ITPR3: variants seen among roughly 807,000 people sequenced by gnomAD.
ITPR3 encodes the protein inositol 1,4,5-trisphosphate-gated calcium channel ITPR3.
A neutral mutation model predicts 293.2 loss-of-function variants in ITPR3; 173 were observed. That is an observed-to-expected ratio of 0.59 (90% CI 0.52 to 0.67). The LOEUF is 0.67. ITPR3 is among the 30% of genes least tolerant of loss of function. The pLI, the probability that ITPR3 is intolerant of heterozygous loss-of-function variation, is 0.00. For missense variants in ITPR3, 2,796 were observed against 3,592.1 expected, an observed-to-expected ratio of 0.78 and a Z score of 5.66; for synonymous variants, 1,295 against 1,444.4, an observed-to-expected ratio of 0.90 and a Z score of 2.35.
At chr6:33,630,743 G>A (rs1364682457) in intron 1 of ITPR3, among the ~76,000 whole-genome samples, 1 of 152,188 alleles carries the variant, frequency 6.6e-6, no homozygotes, top group Non-Finnish European at 1.5e-5. Context: ...ATTCTTCCTG[G>A]AGAGACTATT....
chr6:33,649,973 A>G (rs1240393786), intron 2 of ITPR3, among the ~76,000 whole-genome samples: 1 of 152,168 alleles, frequency 6.6e-6, no homozygotes, highest in African/African-American at 2.4e-5. Context: ...ACCTTATTTA[A>G]TAAATGAATA....
Position 33,690,016 on chromosome 6 carries a change from C to G in ITPR3, c.6868-18C>G, listed in dbSNP as rs776612024. 8.1e-6 allele frequency: 13 copies of G among 1,613,866 alleles called. No individual in the cohort carries two copies. In the South Asian group the frequency reaches 1.4e-4, roughly 18 times the overall value. ...AGGTGGTAGGGTGCTGACTCTCATG[C>G]CTTGCACTCGCCCCCAGCTGACCAA... On this transcript the variant is annotated intron_variant, in intron 50 of 57. Coordinates refer to ENST00000605930, the MANE Select transcript of ITPR3 (RefSeq NM_002224.4).
At chr6:33,678,911 C>T (rs1250214237) in intron 30 of ITPR3, 72 bp downstream of exon 30, 32 of 1,472,618 alleles carry the variant, frequency 2.2e-5, no homozygotes, top group South Asian at 6.1e-5. Context: ...GCGGGAAGGC[C>T]ACAGAGTTAG....
chr6:33,629,945 G>T (rs531986195), intron 1 of ITPR3, among the ~76,000 whole-genome samples: 5 of 152,038 alleles, frequency 3.3e-5, no homozygotes, highest in African/African-American at 9.7e-5. Flanking sequence ...ACAAGAATTA[G>T]CTGGGCATCG....
In ITPR3 at chr6:33,672,368, C is replaced by T. The variant is rs1396168567; in HGVS notation, c.2928+140C>T. 7.0e-6 allele frequency: 5 copies of T among 716,150 alleles called. No homozygotes were observed. The highest frequency in any genetic ancestry group is 1.1e-5 in the Non-Finnish European group (5 of 441,318). 44.4% of individuals were successfully genotyped at this position (716,150 alleles called of 1,614,324 possible). ...GTCTCCATCGTGACTGGCTGTCAGG[C>T]CCAGCGGTTCCCACAGTGTGGTTCT... is the stretch of plus-strand genomic sequence containing the variant. On this transcript the variant is annotated intron_variant, in intron 22 of 57. Transcript: ENST00000605930. This position sits in a 1 kb window ranked among gnomAD's most constrained non-coding sequence, Gnocchi z 5.0.
chr6:33,678,877 G>A (rs772765951), intron 30 of ITPR3, 38 bp downstream of exon 30: 2 of 1,581,544 alleles, frequency 1.3e-6, no homozygotes, highest in Non-Finnish European at 8.6e-7. Context: ...GCATCTTGGG[G>A]TGGGGGACCG....
chr6:33,628,431 ACCTGCAGTCACAATTC>A (rs1424117105), intron 1 of ITPR3, among the ~76,000 whole-genome samples: 15 of 152,308 alleles, frequency 9.8e-5, no homozygotes, highest in African/African-American at 3.1e-4. Context: ...CAGCATTTGT[ACCTGCAGTCACAATTC>A]CCTGCAGTCA....
intron 57 of ITPR3, 101 bp from the exon 58 acceptor site, chr6:33,695,610 TG>T: frequency 1.7e-6 from 2 of 1,174,568 alleles, no homozygotes; most frequent in Middle Eastern, 2.0e-4. Flanking sequence ...GAATAGCAGC[TG>T]GGCCCACAGG....
rs1206828029 is a variant in ITPR3, at chr6:33,688,501, C to CT, written c.6568+73dup. On this transcript the variant is annotated intron_variant, in intron 48 of 57. Coordinates refer to ENST00000605930, the MANE Select transcript of ITPR3 (RefSeq NM_002224.4). ...ACTGATGCCCTGTTATAACGGCCTC[C>CT]TTTGCCTGCCTGTGGGTGCCCTGCG... is the stretch of plus-strand genomic sequence containing the variant. 7 of 1,497,122 alleles carry CT rather than the reference C, an allele frequency of 4.7e-6. No homozygotes were observed. In the East Asian group the frequency reaches 1.5e-4, roughly 31 times the overall value. 92.7% of individuals were successfully genotyped at this position (1,497,122 alleles called of 1,614,324 possible). A position where few individuals can be genotyped will look rare whatever the true frequency, so the allele number is the denominator to read the frequency against.
chr6:33,627,005 T>C (rs1763563612), intron 1 of ITPR3, among the ~76,000 whole-genome samples: 1 of 152,026 alleles, frequency 6.6e-6, no homozygotes, highest in Non-Finnish European at 1.5e-5. Flanking sequence ...ATGGGGTTTC[T>C]CCATGTTGGT....
At chr6:33,659,261 C>T in intron 6 of ITPR3, 142 bp downstream of exon 6, 1 of 899,042 alleles carries the variant, frequency 1.1e-6, no homozygotes. Flanking sequence ...CTTCTGCATC[C>T]ATTTCCCAAC....
intron 56 of ITPR3, 53 bp from the exon 57 acceptor site, chr6:33,694,871 G>A (rs1431620814): frequency 1.3e-5 from 21 of 1,610,052 alleles, no homozygotes; most frequent in Non-Finnish European, 3.4e-6. Flanking sequence ...TTCTAAATGA[G>A]GCCTTTCTAG....
At chr6:33,646,044 G>A (rs1764057703) in intron 2 of ITPR3, among the ~76,000 whole-genome samples, 1 of 151,918 alleles carries the variant, frequency 6.6e-6, no homozygotes, top group Non-Finnish European at 1.5e-5. Flanking sequence ...CACTATGTTG[G>A]TCAGGCTGGT....
chr6:33,663,466 C>T (rs754532510), intron 9 of ITPR3, 34 bp from the exon 10 acceptor site: 13 of 1,569,674 alleles, frequency 8.3e-6, no homozygotes, highest in Middle Eastern at 1.7e-4. Context: ...GTTTGGTGTC[C>T]AGTAGCTCCC....
chr6:33,638,485 A>T lies in ITPR3; in HGVS notation c.90-1999A>T, dbSNP rs1484322852. 6.6e-6 allele frequency among the ~76,000 whole-genome samples: 1 copy of T among 152,210 alleles called. No individual in the cohort carries two copies. Among genetic ancestry groups the T allele is most frequent in the East Asian group, 1.9e-4 (1 of 5,196 alleles). ...TCCAAAAGTCACCTCATTAACATAAAACCAGGTGTGGTTGAAAGAGGCTTG... is the reference window on the plus strand; with the variant it reads ...TCCAAAAGTCACCTCATTAACATAATACCAGGTGTGGTTGAAAGAGGCTTG... On this transcript the variant is annotated intron_variant, in intron 1 of 57. Transcript: ENST00000605930. The surrounding 1 kb of genome is among the most constrained non-coding windows in gnomAD (Gnocchi z 4.3).
At chr6:33,669,882 C>T (rs566867819) in intron 18 of ITPR3, among the ~76,000 whole-genome samples, 1 of 152,342 alleles carries the variant, frequency 6.6e-6, no homozygotes, top group East Asian at 1.9e-4. Flanking sequence ...GAGGAGGAGG[C>T]AGAGGGCCTG....
In ITPR3 at chr6:33,632,511, C is replaced by A. The variant is rs1010376758; in HGVS notation, c.90-7973C>A. On this transcript the variant is annotated intron_variant, in intron 1 of 57. Transcript: ENST00000605930. The surrounding 1 kb of genome is among the most constrained non-coding windows in gnomAD (Gnocchi z 4.1). ...TGGAATGGGGCAGAATGGGATGCAG[C>A]TGTCTTCCTCTCCTACCTCAGATCA... 6.6e-6 allele frequency among the ~76,000 whole-genome samples: 1 copy of A among 152,230 alleles called. No individual in the cohort carries two copies. Among genetic ancestry groups the A allele is most frequent in the Non-Finnish European group, 1.5e-5 (1 of 68,046 alleles).
rs1242716973 is a variant in ITPR3, at chr6:33,662,524, G to A, written c.712-4G>A. On this transcript the variant is annotated splice_polypyrimidine_tract_variant and splice_region_variant and intron_variant, in intron 7 of 57. Coordinates refer to ENST00000605930, the MANE Select transcript of ITPR3 (RefSeq NM_002224.4). ...CATCCTGAGCCACACCCTGCTGCCT[G>A]CAGGGAGACGTGGTGCGGCTGTTCC... is the stretch of plus-strand genomic sequence containing the variant. The A allele has an allele frequency of 3.8e-6, 6 of 1,583,448 alleles. No individual in the cohort carries two copies. The highest frequency in any genetic ancestry group is 4.3e-6 in the Non-Finnish European group (5 of 1,167,394).
Position 33,687,358 on chromosome 6 carries a change from AC to A in ITPR3, c.6177+37del. 2 of 1,519,004 alleles carry A rather than the reference AC, an allele frequency of 1.3e-6. No individual in the cohort carries two copies. Among genetic ancestry groups the A allele is most frequent in the Non-Finnish European group, 1.8e-6 (2 of 1,107,804 alleles). 94.1% of individuals were successfully genotyped at this position (1,519,004 alleles called of 1,614,324 possible). On this transcript the variant is annotated intron_variant, in intron 45 of 57. Transcript: ENST00000605930. The surrounding 1 kb of genome is among the most constrained non-coding windows in gnomAD (Gnocchi z 5.3). The stretch of plus-strand genomic sequence containing the variant: ...AGTTCCACCCGTGGCAACGGCCATC[AC>A]CCCCCTGGCCACCATACCCCGCCCC...
Sources: allele counts gnomAD v4.1 joint callset (sites outside exome capture counted in the v4.1 genomes callset), GRCh38; gene constraint gnomAD v4.1.1; non-coding constraint Gnocchi (gnomAD v3.1); transcripts MANE v1.5; gene names NCBI Gene and HGNC (gene_info 2026-07-23, HGNC 2026-07-21).